DMD: variants seen among roughly 807,000 people sequenced by gnomAD.
The protein encoded by DMD is mutant dystrophin.
A neutral mutation model predicts 330.1 loss-of-function variants in DMD; 63 were observed. The observed-to-expected ratio is 0.19, with a 90% CI of 0.16 to 0.24. DMD has a LOEUF of 0.24. Ranked by LOEUF, DMD falls within the 10% of genes least tolerant of loss-of-function variation. The pLI, the probability that DMD is intolerant of heterozygous loss-of-function variation, is 1.00. For missense variants in DMD, 3,344 were observed against 2,684.1 expected, an observed-to-expected ratio of 1.25 and a Z score of -5.43; for synonymous variants, 1,223 against 959.8, an observed-to-expected ratio of 1.27 and a Z score of -5.07.
intron 7 of DMD, among the ~76,000 whole-genome samples, chrX:32,731,947 G>C (rs1005180387): frequency 8.9e-6 from 1 of 112,105 alleles, no homozygotes; most frequent in Non-Finnish European, 1.9e-5. Context: ...GAAGGCTTCA[G>C]ACGATCAAAT....
At chrX:32,757,567 T>C (rs959223283) in intron 7 of DMD, among the ~76,000 whole-genome samples, 6 of 110,753 alleles carry the variant, frequency 5.4e-5, no homozygotes, top group African/African-American at 2.0e-4. Flanking sequence ...CATGCTGTTC[T>C]CGTGATAGTG....
chrX:31,559,469 C>T (rs1337496684), intron 55 of DMD, among the ~76,000 whole-genome samples: 1 of 82,844 alleles, frequency 1.2e-5, no homozygotes, highest in Non-Finnish European at 2.2e-5. Flanking sequence ...GGTGAAACCC[C>T]GTCTCTACTA....
At chrX:32,977,366 A>C (rs758855558) in intron 2 of DMD, among the ~76,000 whole-genome samples, 1 of 111,652 alleles carries the variant, frequency 9.0e-6, no homozygotes, top group East Asian at 2.8e-4. Flanking sequence ...CAATTGATTA[A>C]ATTATGATTT....
intron 30 of DMD, among the ~76,000 whole-genome samples, chrX:32,406,970 T>G (rs770731406): frequency 1.8e-5 from 2 of 111,027 alleles, no homozygotes; most frequent in South Asian, 7.6e-4. Context: ...ATACAAAAAT[T>G]AACTCAAGAT....
At chrX:31,643,019 C>T (rs1338830776) in intron 54 of DMD, among the ~76,000 whole-genome samples, 1 of 111,744 alleles carries the variant, frequency 8.9e-6, no homozygotes, top group East Asian at 2.8e-4. Flanking sequence ...CAAGTACTTT[C>T]GAGAGTTGAC....
intron 21 of DMD, among the ~76,000 whole-genome samples, chrX:32,480,298 C>T (rs977564093): frequency 2.7e-5 from 3 of 111,469 alleles, no homozygotes; most frequent in African/African-American, 9.8e-5. Flanking sequence ...TACACTTACA[C>T]ATTGTTGGTG....
At chrX:31,959,799 C>CT (rs1247749108) in intron 45 of DMD, among the ~76,000 whole-genome samples, 22 of 91,585 alleles carry the variant, frequency 2.4e-4, no homozygotes, top group African/African-American at 9.3e-4. Context: ...TTTCCTCACT[C>CT]TGTCACCCAG....
chrX:32,908,624 G>A (rs973599660), intron 2 of DMD, among the ~76,000 whole-genome samples: 4 of 111,195 alleles, frequency 3.6e-5, no homozygotes, highest in Non-Finnish European at 5.7e-5. Context: ...AGCACTAACC[G>A]GGATCACTTC....
At chrX:31,498,838 A>G (rs1395646739) in intron 56 of DMD, among the ~76,000 whole-genome samples, 1 of 112,393 alleles carries the variant, frequency 8.9e-6, no homozygotes, top group Non-Finnish European at 1.9e-5. Context: ...GTGAAATACC[A>G]TAAATGTCAT....
chrX:32,325,105 A>G (rs1004956960), intron 41 of DMD, among the ~76,000 whole-genome samples: 4 of 111,356 alleles, frequency 3.6e-5, no homozygotes, highest in African/African-American at 1.3e-4. Context: ...AAAGTAAAAT[A>G]TATCTATATA....
At chrX:32,539,955 A>G (rs2048343904) in intron 17 of DMD, among the ~76,000 whole-genome samples, 1 of 111,936 alleles carries the variant, frequency 8.9e-6, no homozygotes, top group African/African-American at 3.2e-5. Flanking sequence ...ATGCCTCTAC[A>G]TTATCCTTGA....
intron 63 of DMD, among the ~76,000 whole-genome samples, chrX:31,240,967 G>A (rs1343278820): frequency 1.8e-5 from 2 of 110,455 alleles, no homozygotes; most frequent in African/African-American, 6.6e-5. Context: ...TTTTTAAAGG[G>A]AACAGTAATA....
At position 32,684,018 on chromosome X, in the gene DMD, TACACAC is replaced by T. The variant is rs369735561; in HGVS notation, c.960+13846_960+13851del. Among the ~76,000 whole-genome samples the T allele has an allele frequency of 1.8e-3, 127 of 70,923 alleles. 1 individual carries two copies. Among genetic ancestry groups the T allele is most frequent in the East Asian group, 0.012 (30 of 2,560 alleles). The allele number at this position is 70,923 out of a possible 115,157, so 61.6% of individuals were successfully genotyped here. A position where few individuals can be genotyped will look rare whatever the true frequency, so the allele number is the denominator to read the frequency against. On this transcript the variant is annotated intron_variant, in intron 9 of 78. Transcript: ENST00000357033. ...CAAAACACACACACACACACATACA[TACACAC>T]ACACACACACACACACACACACACA...
At chrX:32,115,355 C>T (rs1233893764) in intron 44 of DMD, among the ~76,000 whole-genome samples, 1 of 111,573 alleles carries the variant, frequency 9.0e-6, no homozygotes, top group African/African-American at 3.3e-5. Context: ...TCAGCCTCGG[C>T]CTCCTGAGTA....
chrX:32,741,189 C>T (rs376328744), intron 7 of DMD, among the ~76,000 whole-genome samples: 23 of 110,989 alleles, frequency 2.1e-4, no homozygotes, highest in African/African-American at 6.9e-4. Context: ...GCTAATCACA[C>T]GGATATTGCC....
intron 52 of DMD, among the ~76,000 whole-genome samples, chrX:31,720,158 C>A (rs922243310): frequency 8.9e-6 from 1 of 112,137 alleles, no homozygotes; most frequent in Non-Finnish European, 1.9e-5. Flanking sequence ...ATCTATTAAT[C>A]CTTCCTACTT....
chrX:33,236,319 C>A (rs1318842483), intron 1 of DMD, among the ~76,000 whole-genome samples: 1 of 105,495 alleles, frequency 9.5e-6, no homozygotes, highest in Non-Finnish European at 1.9e-5. Flanking sequence ...GGCTGGAGTG[C>A]AATGGCGCGA....
At chrX:31,843,598 T>C (rs1411540644) in intron 48 of DMD, among the ~76,000 whole-genome samples, 1 of 111,847 alleles carries the variant, frequency 8.9e-6, no homozygotes, top group Non-Finnish European at 1.9e-5. Flanking sequence ...TCCCTATAGA[T>C]TATGGATATT....
chrX:31,622,844 TTTTA>T (rs1229629920), intron 55 of DMD, among the ~76,000 whole-genome samples: 1 of 54,562 alleles, frequency 1.8e-5, no homozygotes, highest in South Asian at 9.4e-4. Flanking sequence ...CTCAGAAAAA[TTTTA>T]TATATATATA....
Sources: allele counts gnomAD v4.1 joint callset (sites outside exome capture counted in the v4.1 genomes callset), GRCh38; gene constraint gnomAD v4.1.1; transcripts MANE v1.5; gene names NCBI Gene and HGNC (gene_info 2026-07-23, HGNC 2026-07-21).